CNTN4: variants seen among roughly 807,000 people sequenced by gnomAD.
CNTN4 encodes the protein contactin 4.
In CNTN4, 77 loss-of-function variants were observed where a neutral mutation model predicts 122.5. That is an observed-to-expected ratio of 0.63 (90% CI 0.52 to 0.76). CNTN4 has a LOEUF of 0.76. Among genes scored for constraint, CNTN4 ranks in the 30% least tolerant of loss-of-function variants. CNTN4 has a pLI of 0.00. For synonymous variants in CNTN4, 512 were observed against 447.0 expected, an observed-to-expected ratio of 1.15 and a Z score of -1.83; for missense variants, 1,256 against 1,259.1, an observed-to-expected ratio of 1.00 and a Z score of 0.04.
At chr3:2,920,144 G>T (rs1248281901) in intron 12 of CNTN4, among the ~76,000 whole-genome samples, 1 of 151,438 alleles carries the variant, frequency 6.6e-6, no homozygotes, top group Non-Finnish European at 1.5e-5. Context: ...TACTCAGCAG[G>T]AAAAAGGAAC....
Position 2,408,205 on chromosome 3 carries a change from C to T in CNTN4, c.-89+68972C>T, listed in dbSNP as rs189898101. 2.7e-3 allele frequency among the ~76,000 whole-genome samples: 404 copies of T among 152,144 alleles called. 4 individuals are homozygous for T. Among genetic ancestry groups the T allele is most frequent in the African/African-American group, 9.0e-3 (374 of 41,512 alleles). On this transcript the variant is annotated intron_variant, in intron 3 of 24. Transcript: ENST00000418658. ...CCATTTCTGTATTGATATCCTGAGA[C>T]CTACATATCCCTGGAGACCAATTAC...
chr3:2,234,584 A>G (rs955704489), intron 2 of CNTN4, among the ~76,000 whole-genome samples: 10 of 152,156 alleles, frequency 6.6e-5, no homozygotes, highest in Non-Finnish European at 1.3e-4. Context: ...CCCTTTTATG[A>G]AACTAGCAGG....
At chr3:2,785,896 C>CT (rs1553639499) in intron 6 of CNTN4, among the ~76,000 whole-genome samples, 1 of 336 alleles carries the variant, frequency 3.0e-3, no homozygotes, top group East Asian at 0.25. Context: ...GCCCACGCTG[C>CT]CCCCCCCCGC....
intron 3 of CNTN4, among the ~76,000 whole-genome samples, chr3:2,406,784 A>G (rs1327251906): frequency 6.6e-5 from 10 of 152,182 alleles, no homozygotes. Context: ...GTTAAAAGCA[A>G]TTGCTTTGAA....
chr3:2,235,730 G>T (rs1418017120), intron 2 of CNTN4, among the ~76,000 whole-genome samples: 1 of 152,030 alleles, frequency 6.6e-6, no homozygotes, highest in Non-Finnish European at 1.5e-5. Flanking sequence ...AGAGCATCTA[G>T]TATTATGCTT....
rs548503356 is a variant in CNTN4, at chr3:2,441,510, G to A, written c.-89+102277G>A. 3.3e-5 allele frequency among the ~76,000 whole-genome samples: 5 copies of A among 152,214 alleles called. No individual in the cohort carries two copies. The South Asian group carries it at 6.2e-4, about 19-fold the overall frequency. ...CTGAAGATAAAGTATAACCTTTGGG[G>A]GCCTCTTCTTCAACATATTCTATTC... On this transcript the variant is annotated intron_variant, in intron 3 of 24. Transcript: ENST00000418658.
At chr3:2,970,449 C>CT (rs146986655) in intron 13 of CNTN4, among the ~76,000 whole-genome samples, 15,527 of 149,130 alleles carry the variant, frequency 0.1, 835 homozygotes, top group Non-Finnish European at 0.12. Context: ...TTTATAAACA[C>CT]TTTTTTTTTT....
chr3:2,216,021 C>T (rs1272497267), intron 2 of CNTN4, among the ~76,000 whole-genome samples: 1 of 151,892 alleles, frequency 6.6e-6, no homozygotes, highest in Non-Finnish European at 1.5e-5. Flanking sequence ...TTTGATCCAG[C>T]AATCCCATTA....
At chr3:2,104,255 T>TGTGTGC (rs559853405) in intron 2 of CNTN4, among the ~76,000 whole-genome samples, 3 of 95,120 alleles carry the variant, frequency 3.2e-5, no homozygotes, top group African/African-American at 9.0e-5. Context: ...TGTGTGTGTG[T>TGTGTGC]GCGTTTCAAG....
chr3:2,998,956 G>A (rs1415148136), intron 14 of CNTN4: 2 of 152,144 alleles, frequency 1.3e-5, no homozygotes, highest in Non-Finnish European at 2.9e-5. Flanking sequence ...TTAAAATTAT[G>A]TTGTAATTAT....
chr3:3,045,707 T>C (rs966531637), intron 23 of CNTN4, among the ~76,000 whole-genome samples: 1 of 152,194 alleles, frequency 6.6e-6, no homozygotes, highest in African/African-American at 2.4e-5. Context: ...CTGAAAATTC[T>C]AAAAATCAGA....
At chr3:2,546,780 A>G (rs1156947520) in intron 3 of CNTN4, among the ~76,000 whole-genome samples, 1 of 152,174 alleles carries the variant, frequency 6.6e-6, no homozygotes, top group Non-Finnish European at 1.5e-5. Flanking sequence ...TAGAAGAAGA[A>G]GAAATGGCCA....
In CNTN4 at chr3:2,591,594, G is replaced by A. The variant is rs1371954004; in HGVS notation, c.55+20036G>A. Among the ~76,000 whole-genome samples, 2 of 51,988 alleles carry A rather than the reference G, an allele frequency of 3.8e-5. 1 individual carries two copies. The highest frequency in any genetic ancestry group is 9.7e-5 in the Non-Finnish European group (2 of 20,620). 34.1% of individuals were successfully genotyped at this position (51,988 alleles called of 152,430 possible). ...TTAGCCAGGATGGTCTCGATCTCCT[G>A]ACCTCGTGATCCGCCCGCCTCGGCC... On this transcript the variant is annotated intron_variant, in intron 4 of 24. Coordinates refer to ENST00000418658, the MANE Select transcript of CNTN4 (RefSeq NM_175607.3).
intron 6 of CNTN4, among the ~76,000 whole-genome samples, chr3:2,783,245 G>A (rs777924147): frequency 2.6e-5 from 4 of 151,992 alleles, no homozygotes; most frequent in Admixed American, 6.6e-5. Flanking sequence ...GCCATACCAT[G>A]TCACTGCACT....
intron 4 of CNTN4, among the ~76,000 whole-genome samples, chr3:2,720,595 A>C (rs993118876): frequency 1.1e-4 from 16 of 152,192 alleles, no homozygotes; most frequent in Non-Finnish European, 1.6e-4. Flanking sequence ...AAAAGATCTT[A>C]TTCCATCTAG....
chr3:2,485,423 G>A (rs996955989), intron 3 of CNTN4, among the ~76,000 whole-genome samples: 3 of 152,250 alleles, frequency 2.0e-5, no homozygotes, highest in African/African-American at 7.2e-5. Flanking sequence ...CTAAGGGATT[G>A]TAAATACACC....
At chr3:2,300,158 T>C (rs2042452320) in intron 2 of CNTN4, among the ~76,000 whole-genome samples, 1 of 152,156 alleles carries the variant, frequency 6.6e-6, no homozygotes, top group African/African-American at 2.4e-5. Context: ...CAGAGTTATT[T>C]TATATTACTG....
intron 2 of CNTN4, among the ~76,000 whole-genome samples, chr3:2,101,835 G>A (rs573575767): frequency 1.3e-5 from 2 of 152,248 alleles, no homozygotes; most frequent in Admixed American, 6.5e-5. Flanking sequence ...TATCCCGGTG[G>A]ATCATTTTGT....
At chr3:3,053,315 A>G (rs542279872) in intron 23 of CNTN4, among the ~76,000 whole-genome samples, 3 of 152,306 alleles carry the variant, frequency 2.0e-5, no homozygotes, top group African/African-American at 7.2e-5. Flanking sequence ...CACTATAGGC[A>G]TGGGCCACTG....
Sources: allele counts gnomAD v4.1 joint callset (sites outside exome capture counted in the v4.1 genomes callset), GRCh38; gene constraint gnomAD v4.1.1; transcripts MANE v1.5; gene names NCBI Gene and HGNC (gene_info 2026-07-23, HGNC 2026-07-21).